Variants in GRM7 observed in about 807,000 individuals in gnomAD.
GRM7 encodes the protein metabotropic glutamate receptor 7.
GRM7 carries 35 observed loss-of-function variants against 84.5 expected under a neutral mutation model. The observed-to-expected ratio is 0.41, with a 90% CI of 0.32 to 0.55. The LOEUF (loss-of-function observed/expected upper bound fraction) is 0.55. Ranked by LOEUF, GRM7 falls within the 20% of genes least tolerant of loss-of-function variation. The pLI, the probability that GRM7 is intolerant of heterozygous loss-of-function variation, is 0.19. For missense variants in GRM7, 1,003 were observed against 1,194.6 expected, an observed-to-expected ratio of 0.84 and a Z score of 2.36; for synonymous variants, 487 against 455.1, an observed-to-expected ratio of 1.07 and a Z score of -0.89.
rs185764585 is a variant in GRM7 at position 7,704,189 on chromosome 3, A to G, written c.2698+23894A>G. Reference sequence around the variant, plus strand: ...AAAAATCACTTGTTATTTAAGTATGATTACTAAATTCAAAAGTTTTAAAGC... The same window carrying G: ...AAAAATCACTTGTTATTTAAGTATGGTTACTAAATTCAAAAGTTTTAAAGC... On this transcript the variant is annotated intron_variant, in intron 9 of 9. Transcript: ENST00000357716. Among the ~76,000 whole-genome samples, 36 of 152,344 alleles carry G rather than the reference A, an allele frequency of 2.4e-4. No individual in the cohort carries two copies. The East Asian group carries it at 6.6e-3, about 28-fold the overall frequency.
chr3:7,700,896 C>G (rs1701202159), intron 9 of GRM7, among the ~76,000 whole-genome samples: 2 of 152,226 alleles, frequency 1.3e-5, no homozygotes, highest in African/African-American at 4.8e-5. Context: ...CAGTCCTCAT[C>G]TCACAGGTCA....
chr3:7,710,352 T>C (rs1485828889), intron 9 of GRM7, among the ~76,000 whole-genome samples: 2 of 152,198 alleles, frequency 1.3e-5, no homozygotes. Flanking sequence ...CTGTTTTTGC[T>C]GTAGCAAAAG....
At chr3:7,656,701 C>T (rs994718650) in intron 8 of GRM7, among the ~76,000 whole-genome samples, 4 of 151,882 alleles carry the variant, frequency 2.6e-5, no homozygotes, top group Non-Finnish European at 4.4e-5. Flanking sequence ...TCGATGGCCC[C>T]ACTTAAAAGT....
intron 7 of GRM7, among the ~76,000 whole-genome samples, chr3:7,545,767 G>A (rs568996876): frequency 8.8e-4 from 134 of 152,260 alleles, no homozygotes; most frequent in African/African-American, 3.0e-3. Flanking sequence ...TTCCTGATCT[G>A]TGTGCTGATT....
chr3:7,648,957 C>A (rs1291373686), intron 8 of GRM7, among the ~76,000 whole-genome samples: 3 of 151,232 alleles, frequency 2.0e-5, no homozygotes, highest in Non-Finnish European at 4.4e-5. Context: ...GTTAAAGGAG[C>A]AAACTGAAGG....
At chr3:7,626,072 C>A (rs1276117152) in intron 8 of GRM7, among the ~76,000 whole-genome samples, 1 of 152,048 alleles carries the variant, frequency 6.6e-6, no homozygotes, top group African/African-American at 2.4e-5. Flanking sequence ...AGAGGGGGAG[C>A]TGTTTTAGCA....
chr3:7,302,720 T>C (rs1393011930), intron 3 of GRM7, among the ~76,000 whole-genome samples: 1 of 152,080 alleles, frequency 6.6e-6, no homozygotes, highest in Non-Finnish European at 1.5e-5. Flanking sequence ...TCTAGTTTGA[T>C]ACCTTGTGGA....
At chr3:7,331,333 G>C (rs1158677624) in intron 4 of GRM7, among the ~76,000 whole-genome samples, 4 of 152,162 alleles carry the variant, frequency 2.6e-5, no homozygotes, top group Non-Finnish European at 4.4e-5. Context: ...GAACTTGGTG[G>C]AATCCTAACA....
At chr3:6,978,683 C>T (rs1307216028) in intron 1 of GRM7, among the ~76,000 whole-genome samples, 1 of 152,052 alleles carries the variant, frequency 6.6e-6, no homozygotes, top group Non-Finnish European at 1.5e-5. Context: ...GACTTATCTA[C>T]ATTATTTCTA....
intron 8 of GRM7, among the ~76,000 whole-genome samples, chr3:7,657,013 C>T (rs1699234062): frequency 6.6e-6 from 1 of 152,132 alleles, no homozygotes; most frequent in South Asian, 2.1e-4. Context: ...GGAAAATCTA[C>T]AGTGTTTTTC....
At chr3:7,288,694 A>C (rs574722332) in intron 2 of GRM7, among the ~76,000 whole-genome samples, 1 of 152,220 alleles carries the variant, frequency 6.6e-6, no homozygotes, top group African/African-American at 2.4e-5. Context: ...GAAGCAATGA[A>C]GAATGACACA....
intron 4 of GRM7, among the ~76,000 whole-genome samples, chr3:7,330,680 C>T (rs1209628073): frequency 6.6e-6 from 1 of 152,176 alleles, no homozygotes; most frequent in Non-Finnish European, 1.5e-5. Context: ...GTAAGACATG[C>T]ATTTCACCTT....
chr3:7,731,616 T>A (rs1316090459), intron 9 of GRM7, among the ~76,000 whole-genome samples: 1 of 152,154 alleles, frequency 6.6e-6, no homozygotes, highest in Non-Finnish European at 1.5e-5. Flanking sequence ...GCCACCAGGC[T>A]AGGAGGAGGA....
At chr3:7,229,726 C>CACAT (rs1290862608) in intron 2 of GRM7, among the ~76,000 whole-genome samples, 6 of 28,600 alleles carry the variant, frequency 2.1e-4, no homozygotes, top group Non-Finnish European at 3.0e-4. Context: ...TAGACACACA[C>CACAT]ATATATATAT....
intron 8 of GRM7, among the ~76,000 whole-genome samples, chr3:7,656,577 A>ACACACACAC (rs71043685): frequency 1.3e-5 from 2 of 150,870 alleles, no homozygotes; most frequent in Non-Finnish European, 3.0e-5. Flanking sequence ...ACACACACAC[A>ACACACACAC]AAGTGTGCTG....
intron 8 of GRM7, among the ~76,000 whole-genome samples, chr3:7,626,014 A>G (rs1697590628): frequency 6.6e-6 from 1 of 152,160 alleles, no homozygotes; most frequent in Non-Finnish European, 1.5e-5. Flanking sequence ...AGCTGTTTCA[A>G]AAACATGGGA....
At position 6,862,447 on chromosome 3, in the gene GRM7, C is replaced by T. The variant is rs986494249; in HGVS notation, c.519+540C>T. Among the ~76,000 whole-genome samples the T allele has an allele frequency of 6.6e-6, 1 of 152,072 alleles. No individual in the cohort carries two copies. Among genetic ancestry groups the T allele is most frequent in the African/African-American group, 2.4e-5 (1 of 41,432 alleles). On this transcript the variant is annotated intron_variant, in intron 1 of 9. Transcript: ENST00000357716. The surrounding 1 kb of genome is among the most constrained non-coding windows in gnomAD (Gnocchi z 5.2). ...TTAACCTAGATGTGGATGTTAAGTC[C>T]GCATCTCCCTCGGGCTGATTTCCCG...
chr3:7,344,070 T>C (rs1378741903), intron 4 of GRM7, among the ~76,000 whole-genome samples: 1 of 152,010 alleles, frequency 6.6e-6, no homozygotes, highest in East Asian at 1.9e-4. Context: ...ATACCTTTAA[T>C]TGTGTATTCA....
At chr3:7,513,232 G>A (rs1700271868) in intron 7 of GRM7, among the ~76,000 whole-genome samples, 1 of 152,092 alleles carries the variant, frequency 6.6e-6, no homozygotes, top group South Asian at 2.1e-4. Flanking sequence ...CCTTTCTCCT[G>A]GTGTTTTCAC....
Sources: allele counts gnomAD v4.1 joint callset (sites outside exome capture counted in the v4.1 genomes callset), GRCh38; gene constraint gnomAD v4.1.1; non-coding constraint Gnocchi (gnomAD v3.1); transcripts MANE v1.5; gene names NCBI Gene and HGNC (gene_info 2026-07-23, HGNC 2026-07-21).